DENND5B: variants seen among roughly 807,000 people sequenced by gnomAD.
The protein encoded by DENND5B is DENN domain containing 5B, also known as DENN domain-containing protein 5B.
A neutral mutation model predicts 140.6 loss-of-function variants in DENND5B; 34 were observed. The observed-to-expected ratio is 0.24, with a 90% CI of 0.18 to 0.32. The LOEUF (loss-of-function observed/expected upper bound fraction) is 0.32. Among genes scored for constraint, DENND5B ranks in the 10% least tolerant of loss-of-function variants. The pLI, the probability that DENND5B is intolerant of heterozygous loss-of-function variation, is 1.00. For missense variants in DENND5B, 1,142 were observed against 1,560.2 expected (o/e 0.73, Z 4.52); for synonymous variants, 551 against 562.1 (o/e 0.98, Z 0.28).
intron 1 of DENND5B, among the ~76,000 whole-genome samples, chr12:31,538,822 T>C (rs546757480): frequency 6.6e-6 from 1 of 152,246 alleles, no homozygotes; most frequent in South Asian, 2.1e-4. Flanking sequence ...TGAGCCGAGA[T>C]TGTGCCACTG....
intron 8 of DENND5B, 42 bp from the exon 9 acceptor site, chr12:31,426,466 A>C: frequency 2.5e-6 from 4 of 1,578,714 alleles, no homozygotes; most frequent in Non-Finnish European, 3.4e-6. Context: ...AACATTAGCT[A>C]TTCTTCTAAT....
chr12:31,389,502 AG>A lies in DENND5B; in HGVS notation c.3467-5del. On this transcript the variant is annotated splice_polypyrimidine_tract_variant and splice_region_variant and intron_variant, in intron 19 of 20. Transcript: ENST00000389082. ...TCAAAATAAGCAACCACTTTCTCTG[AG>A]GAAAAAAGTCAGAATTATGTCACAA... 2 of 1,572,284 alleles carry A rather than the reference AG, an allele frequency of 1.3e-6. No individual in the cohort carries two copies. The highest frequency in any genetic ancestry group is 1.2e-5 in the South Asian group (1 of 85,626).
intron 16 of DENND5B, among the ~76,000 whole-genome samples, chr12:31,398,978 C>T (rs1424977779): frequency 2.0e-5 from 3 of 151,116 alleles, no homozygotes; most frequent in East Asian, 3.9e-4. Context: ...AGAAATTAGC[C>T]GGGCGTGGTG....
At chr12:31,443,065 C>T (rs900534430) in intron 6 of DENND5B, 140 bp from the exon 7 acceptor site, 13 of 383,748 alleles carry the variant, frequency 3.4e-5, no homozygotes, top group African/African-American at 4.8e-5. Flanking sequence ...TGTGTGTGTG[C>T]ACGCACGCAC....
At chr12:31,439,412 C>T (rs1313028103) in intron 7 of DENND5B, among the ~76,000 whole-genome samples, 1 of 152,186 alleles carries the variant, frequency 6.6e-6, no homozygotes, top group Non-Finnish European at 1.5e-5. Flanking sequence ...CCTAAGCACT[C>T]TCTACTTTTC....
intron 1 of DENND5B, among the ~76,000 whole-genome samples, chr12:31,529,175 A>G (rs1287840607): frequency 2.0e-5 from 3 of 151,612 alleles, no homozygotes; most frequent in East Asian, 1.9e-4. Flanking sequence ...AAAAAAAAAA[A>G]AAAGAAAAGA....
intron 14 of DENND5B, among the ~76,000 whole-genome samples, 192 bp downstream of exon 14, chr12:31,409,071 T>C: frequency 6.6e-6 from 1 of 152,250 alleles, no homozygotes; most frequent in African/African-American, 2.4e-5. Context: ...TAAGGCGTTC[T>C]CTAAAGCCTG....
chr12:31,423,537 A>C, intron 11 of DENND5B, 60 bp downstream of exon 11: 1 of 1,551,672 alleles, frequency 6.4e-7, no homozygotes, highest in African/African-American at 1.4e-5. Context: ...AGACAAGGCC[A>C]AATAGTATTG....
At chr12:31,558,167 G>T (rs1185267758) in intron 1 of DENND5B, among the ~76,000 whole-genome samples, 1 of 152,214 alleles carries the variant, frequency 6.6e-6, no homozygotes, top group African/African-American at 2.4e-5. Context: ...CTAAAATAAT[G>T]TAGACGTGTA....
chr12:31,578,988 T>A (rs921430082), intron 1 of DENND5B, among the ~76,000 whole-genome samples: 4 of 152,252 alleles, frequency 2.6e-5, no homozygotes, highest in African/African-American at 9.6e-5. Flanking sequence ...TTTCATAGCA[T>A]CATAGAATAA....
chr12:31,402,709 A>G, intron 14 of DENND5B, 66 bp from the exon 15 acceptor site: 2 of 1,497,346 alleles, frequency 1.3e-6, no homozygotes, highest in Non-Finnish European at 1.8e-6. Flanking sequence ...CAAAACATAT[A>G]TTAAGAACTC....
At chr12:31,565,831 T>C (rs1277746435) in intron 1 of DENND5B, among the ~76,000 whole-genome samples, 1 of 152,132 alleles carries the variant, frequency 6.6e-6, no homozygotes, top group Non-Finnish European at 1.5e-5. Flanking sequence ...GGGACCATAT[T>C]TGACTGGCTA....
rs35048750 is a variant in DENND5B, at chr12:31,567,525, T to TAAAA, written c.127+23177_127+23180dup. 9.2e-3 allele frequency among the ~76,000 whole-genome samples: 845 copies of TAAAA among 91,598 alleles called. 29 individuals carry two copies. The highest frequency in any genetic ancestry group is 0.034 in the African/African-American group (771 of 22,710). The allele number at this position is 91,598 out of a possible 152,430, so 60.1% of individuals were successfully genotyped here. ...CTGGGCAACAGAGCAAGACTCTGTC[T>TAAAA]AAAAAAAAAAAAAAAAAAAAAGCAT... On this transcript the variant is annotated intron_variant, in intron 1 of 20. Transcript: ENST00000389082.
chr12:31,517,638 G>T (rs532918226), intron 1 of DENND5B, among the ~76,000 whole-genome samples: 181 of 152,254 alleles, frequency 1.2e-3, no homozygotes, highest in Non-Finnish European at 2.2e-3. Flanking sequence ...CCTCCCATAG[G>T]AACAATGTTA....
chr12:31,554,171 C>A (rs1283272817), intron 1 of DENND5B, among the ~76,000 whole-genome samples: 1 of 152,186 alleles, frequency 6.6e-6, no homozygotes, highest in Non-Finnish European at 1.5e-5. Context: ...ATGGTCTTTA[C>A]AATTTGGCAT....
At chr12:31,389,228 G>C in intron 20 of DENND5B, 96 bp downstream of exon 20, 1 of 1,154,002 alleles carries the variant, frequency 8.7e-7, no homozygotes, top group South Asian at 2.0e-5. Flanking sequence ...GAAACCCAAA[G>C]GAGAGCTCTG....
chr12:31,527,570 G>T (rs763130682), intron 1 of DENND5B, among the ~76,000 whole-genome samples: 1 of 152,128 alleles, frequency 6.6e-6, no homozygotes, highest in South Asian at 2.1e-4. Context: ...ATGAGGTCAG[G>T]AGTTCGAGAC....
At chr12:31,435,920 C>T (rs1033013848) in intron 7 of DENND5B, among the ~76,000 whole-genome samples, 11 of 152,134 alleles carry the variant, frequency 7.2e-5, no homozygotes, top group South Asian at 2.1e-4. Context: ...CCTCGGCCTC[C>T]CAAGTAGGTG....
chr12:31,403,519 G>C (rs145465363), intron 14 of DENND5B, among the ~76,000 whole-genome samples: 3,320 of 151,460 alleles, frequency 0.022, 129 homozygotes, highest in African/African-American at 0.075. Flanking sequence ...CTTGAACCCG[G>C]GAGGCAGAGG....
Sources: allele counts gnomAD v4.1 joint callset (sites outside exome capture counted in the v4.1 genomes callset), GRCh38; gene constraint gnomAD v4.1.1; transcripts MANE v1.5; gene names NCBI Gene and HGNC (gene_info 2026-07-23, HGNC 2026-07-21).